Variants in PRKG2 observed in about 807,000 individuals in gnomAD.
PRKG2 encodes protein kinase cGMP-dependent 2.
A neutral mutation model predicts 97.2 loss-of-function variants in PRKG2; 33 were observed. The ratio of observed to expected loss-of-function variants is 0.34; its 90% CI spans 0.26 to 0.45. The LOEUF (loss-of-function observed/expected upper bound fraction) is 0.45, where lower values mean the gene tolerates loss of function less well. PRKG2 is among the 20% of genes least tolerant of loss of function. The pLI is 1.00. For synonymous variants in PRKG2, 330 were observed against 321.8 expected, an observed-to-expected ratio of 1.03 and a Z score of -0.27; for missense variants, 638 against 900.0, an observed-to-expected ratio of 0.71 and a Z score of 3.73.
chr4:81,207,998 G>T (rs760852429), intron 1 of PRKG2, among the ~76,000 whole-genome samples: 6 of 152,276 alleles, frequency 3.9e-5, no homozygotes, highest in Middle Eastern at 3.4e-3. Context: ...CATCAGTCTG[G>T]CAACTGCAGG....
At chr4:81,152,248 G>A (rs1342199895) in intron 7 of PRKG2, among the ~76,000 whole-genome samples, 194 bp from the exon 8 acceptor site, 2 of 152,168 alleles carry the variant, frequency 1.3e-5, no homozygotes, top group East Asian at 3.9e-4. Flanking sequence ...GAAGTCCTAT[G>A]GTCTAATATT....
At chr4:81,189,054 T>TAAAAAAAAAA (rs1462589613) in intron 2 of PRKG2, among the ~76,000 whole-genome samples, 1 of 10,794 alleles carries the variant, frequency 9.3e-5, no homozygotes, top group Non-Finnish European at 1.5e-4. Flanking sequence ...AAAAAAAGAT[T>TAAAAAAAAAA]AAAAAAAATA....
chr4:81,106,692 T>C (rs1285079448), intron 15 of PRKG2, among the ~76,000 whole-genome samples: 1 of 152,226 alleles, frequency 6.6e-6, no homozygotes, highest in African/African-American at 2.4e-5. Context: ...TGAATGTCTG[T>C]GTTCCACCAA....
chr4:81,104,214 T>C (rs112849864), intron 17 of PRKG2, among the ~76,000 whole-genome samples, 156 bp downstream of exon 17: 41 of 152,274 alleles, frequency 2.7e-4, no homozygotes, highest in African/African-American at 9.6e-4. Context: ...TTATTATAAC[T>C]ACATCTACTA....
intron 2 of PRKG2, among the ~76,000 whole-genome samples, chr4:81,182,156 A>C (rs1250665774): frequency 2.6e-5 from 4 of 151,918 alleles, no homozygotes; most frequent in Admixed American, 2.6e-4. Flanking sequence ...ACTACAAAAA[A>C]GAAAAATAAA....
At chr4:81,191,968 T>C (rs1253271659) in intron 2 of PRKG2, among the ~76,000 whole-genome samples, 1 of 152,218 alleles carries the variant, frequency 6.6e-6, no homozygotes, top group Non-Finnish European at 1.5e-5. Context: ...GTAACTTCAC[T>C]CCTAGGTTTA....
chr4:81,204,942 C>G lies in PRKG2; in HGVS notation c.106G>C (p.Glu36Gln). 1 of 1,614,182 alleles carries G rather than the reference C, an allele frequency of 6.2e-7. No individual in the cohort carries two copies. Among genetic ancestry groups the G allele is most frequent in the East Asian group, 2.2e-5 (1 of 44,874 alleles). Residue 36 changes from glutamate (E) to glutamine (Q), a missense_variant, in exon 2 of 19, where the codon GAG becomes CAG. This residue lies in a region of PRKG2 where 332 missense variants were observed against 421.7 expected (regional missense o/e 0.79). Transcript: ENST00000264399. ...LRNKVTELER[E>Q]LRRKDAEIQE... The stretch of plus-strand genomic sequence containing the variant: ...ATCTCAGCATCCTTCCTCCTCAACT[C>G]TCTCTCCAGCTCTGTCACCTTGTTC...
intron 6 of PRKG2, among the ~76,000 whole-genome samples, chr4:81,156,900 T>C (rs1274577907): frequency 2.0e-5 from 3 of 152,162 alleles, no homozygotes; most frequent in African/African-American, 4.8e-5. Flanking sequence ...AGACACAGCA[T>C]ACCAGAATCT....
At chr4:81,125,785 G>A (rs1745489534) in intron 14 of PRKG2, among the ~76,000 whole-genome samples, 2 of 152,108 alleles carry the variant, frequency 1.3e-5, no homozygotes, top group Admixed American at 1.3e-4. Context: ...TTTTAAGTAG[G>A]TATGAAATGG....
In PRKG2 at chr4:81,201,717, A is replaced by G. The variant is rs113465979; in HGVS notation, c.461+2870T>C. On this transcript the variant is annotated intron_variant, in intron 2 of 18. Transcript: ENST00000264399. Reference sequence around the variant, plus strand: ...ATTCAAATTCAGAATCTATCATGCCATCAAATTTTATTCTCTGGCTTCTAT... The same window carrying G: ...ATTCAAATTCAGAATCTATCATGCCGTCAAATTTTATTCTCTGGCTTCTAT... Among the ~76,000 whole-genome samples, 174 of 152,292 alleles carry G rather than the reference A, an allele frequency of 1.1e-3. 4 individuals are homozygous for G. Among genetic ancestry groups the G allele is most frequent in the African/African-American group, 3.8e-3 (156 of 41,558 alleles).
intron 2 of PRKG2, among the ~76,000 whole-genome samples, chr4:81,201,888 T>C (rs1258445688): frequency 6.6e-6 from 1 of 152,174 alleles, no homozygotes; most frequent in African/African-American, 2.4e-5. Context: ...TGATCCAGTA[T>C]GGAAGGGTGA....
intron 14 of PRKG2, among the ~76,000 whole-genome samples, chr4:81,112,940 C>G (rs1744131635): frequency 6.6e-6 from 1 of 152,216 alleles, no homozygotes; most frequent in South Asian, 2.1e-4. Context: ...TTGAGTACCA[C>G]TATATACCAA....
intron 2 of PRKG2, among the ~76,000 whole-genome samples, chr4:81,201,969 T>C (rs908138044): frequency 1.3e-5 from 2 of 152,162 alleles, no homozygotes; most frequent in African/African-American, 2.4e-5. Context: ...GCCAGGATAC[T>C]TTATAAAAGT....
chr4:81,202,074 A>G (rs895850120), intron 2 of PRKG2, among the ~76,000 whole-genome samples: 1 of 152,312 alleles, frequency 6.6e-6, no homozygotes, highest in Admixed American at 6.5e-5. Context: ...ACTGCTTGGA[A>G]AAGTAGACAA....
chr4:81,103,125 G>T (rs964596631), intron 17 of PRKG2, among the ~76,000 whole-genome samples: 1 of 152,098 alleles, frequency 6.6e-6, no homozygotes, highest in Non-Finnish European at 1.5e-5. Flanking sequence ...GGTTTGAACC[G>T]CCACATTTGA....
chr4:81,180,065 G>A lies in PRKG2; in HGVS notation c.462-5106C>T, dbSNP rs191224452. On this transcript the variant is annotated intron_variant, in intron 2 of 18. Transcript: ENST00000264399. ...GGAGAATTGCTTGAACCCGGGAGTCGGAGGTTGCAGTGAGCTGAGATCGCA... is the reference window on the plus strand; with the variant it reads ...GGAGAATTGCTTGAACCCGGGAGTCAGAGGTTGCAGTGAGCTGAGATCGCA... Among the ~76,000 whole-genome samples, 1,174 of 151,996 alleles carry A rather than the reference G, an allele frequency of 7.7e-3. 21 individuals carry two copies. Among genetic ancestry groups the A allele is most frequent in the African/African-American group, 0.027 (1,108 of 41,422 alleles).
At chr4:81,189,893 G>T (rs1484199492) in intron 2 of PRKG2, among the ~76,000 whole-genome samples, 2 of 152,094 alleles carry the variant, frequency 1.3e-5, no homozygotes, top group Non-Finnish European at 2.9e-5. Context: ...CCTCTTCATG[G>T]AGAACTACAA....
intron 14 of PRKG2, among the ~76,000 whole-genome samples, chr4:81,127,690 G>C (rs1414213602): frequency 1.3e-5 from 2 of 152,188 alleles, no homozygotes; most frequent in Non-Finnish European, 2.9e-5. Flanking sequence ...TGTATCCTGA[G>C]ACTTTGCTGA....
chr4:81,101,084 G>A (rs1742705951), intron 17 of PRKG2, among the ~76,000 whole-genome samples: 1 of 151,936 alleles, frequency 6.6e-6, no homozygotes, highest in Non-Finnish European at 1.5e-5. Flanking sequence ...TGGAGAGGAT[G>A]TGGAGAAATA....
Sources: allele counts gnomAD v4.1 joint callset (sites outside exome capture counted in the v4.1 genomes callset), GRCh38; gene constraint gnomAD v4.1.1; regional missense constraint gnomAD v4.1.1; transcripts MANE v1.5; gene names NCBI Gene and HGNC (gene_info 2026-07-23, HGNC 2026-07-21).